Variants in TMTC2 observed in about 807,000 individuals in gnomAD.
TMTC2 encodes the protein protein O-mannosyl-transferase TMTC2.
TMTC2 carries 43 observed loss-of-function variants against 82.4 expected under a neutral mutation model. The ratio of observed to expected loss-of-function variants is 0.52; its 90% CI spans 0.41 to 0.67. The LOEUF is 0.67. Among genes scored for constraint, TMTC2 ranks in the 30% least tolerant of loss-of-function variants. TMTC2 has a pLI of 0.00. For synonymous variants in TMTC2, 408 were observed against 381.9 expected, an observed-to-expected ratio of 1.07 and a Z score of -0.80; for missense variants, 919 against 1,012.4, an observed-to-expected ratio of 0.91 and a Z score of 1.25.
At chr12:83,130,382 T>C (rs1885225550) in intron 11 of TMTC2, among the ~76,000 whole-genome samples, 2 of 152,346 alleles carry the variant, frequency 1.3e-5, no homozygotes, top group South Asian at 4.1e-4. Flanking sequence ...AGCTTTTCAC[T>C]GCACATGTCA....
At chr12:83,010,645 A>G (rs1290412567) in intron 8 of TMTC2, among the ~76,000 whole-genome samples, 1 of 152,210 alleles carries the variant, frequency 6.6e-6, no homozygotes, top group Non-Finnish European at 1.5e-5. Flanking sequence ...CTTGCTGTGC[A>G]TCAAGCAACA....
At chr12:82,962,945 G>T (rs570548216) in intron 4 of TMTC2, among the ~76,000 whole-genome samples, 3 of 152,110 alleles carry the variant, frequency 2.0e-5, no homozygotes, top group African/African-American at 7.2e-5. Flanking sequence ...TCTCCCAGGA[G>T]CCCAGGAAAT....
At chr12:83,074,412 T>C (rs1359509363) in intron 11 of TMTC2, among the ~76,000 whole-genome samples, 1 of 151,978 alleles carries the variant, frequency 6.6e-6, no homozygotes, top group East Asian at 1.9e-4. Context: ...GCTTTGGTGG[T>C]TTAATGCACT....
At chr12:83,057,977 G>A (rs1167024722) in intron 10 of TMTC2, among the ~76,000 whole-genome samples, 5 of 151,678 alleles carry the variant, frequency 3.3e-5, no homozygotes, top group African/African-American at 1.2e-4. Context: ...ATCGTAAGTG[G>A]TTCTTTTAAT....
intron 8 of TMTC2, among the ~76,000 whole-genome samples, chr12:82,990,959 A>T (rs1879373864): frequency 1.3e-5 from 2 of 152,152 alleles, no homozygotes; most frequent in South Asian, 4.1e-4. Flanking sequence ...TATAGAGTGA[A>T]CACACAGTAA....
intron 11 of TMTC2, among the ~76,000 whole-genome samples, chr12:83,126,589 G>T (rs550458325): frequency 6.6e-6 from 1 of 152,112 alleles, no homozygotes; most frequent in South Asian, 2.1e-4. Context: ...GGACAAAAGG[G>T]GTAGGATAAA....
intron 1 of TMTC2, among the ~76,000 whole-genome samples, chr12:82,756,279 A>C (rs1876319743): frequency 6.6e-6 from 1 of 152,202 alleles, no homozygotes; most frequent in Admixed American, 6.6e-5. Context: ...TAATGATTTG[A>C]AATTTTTCCA....
chr12:83,031,226 G>A (rs10778933), intron 9 of TMTC2, among the ~76,000 whole-genome samples: 138,633 of 152,258 alleles, frequency 0.91, 63,136 homozygotes, highest in South Asian at 0.96. Context: ...TTCATTCTAA[G>A]TGATAACGTA....
At position 82,985,965 on chromosome 12, in the gene TMTC2, G is replaced by C; in HGVS notation, c.1989G>C (p.Glu663Asp). 1.2e-6 allele frequency: 2 copies of C among 1,614,004 alleles called. No individual in the cohort carries two copies. The highest frequency in any genetic ancestry group is 2.2e-5 in the South Asian group (2 of 91,078). Residue 663 changes from glutamate to aspartate, a missense_variant, in exon 8 of 12, where the codon GAG becomes GAC. Physicochemically the swap from Glu to Asp is conservative, Grantham distance 45 (BLOSUM62 2). Coordinates refer to ENST00000321196, the MANE Select transcript of TMTC2 (RefSeq NM_152588.3). ...YMRLSKLPEA[E>D]HWYMESLRSK... is the part of the protein sequence containing the mutation. Reference sequence around the variant, plus strand: ...GTTTAAGCAAACTCCCCGAAGCAGAGCATTGGTATATGGAATCACTGAGAT... The same window carrying C: ...GTTTAAGCAAACTCCCCGAAGCAGACCATTGGTATATGGAATCACTGAGAT...
intron 2 of TMTC2, among the ~76,000 whole-genome samples, chr12:82,875,178 T>G (rs1482879692): frequency 6.6e-6 from 1 of 152,202 alleles, no homozygotes; most frequent in Non-Finnish European, 1.5e-5. Context: ...TATGTATGAG[T>G]AATTCAGGCT....
At chr12:82,876,157 G>C (rs1315099827) in intron 2 of TMTC2, among the ~76,000 whole-genome samples, 1 of 140,314 alleles carries the variant, frequency 7.1e-6, no homozygotes, top group Non-Finnish European at 1.5e-5. Context: ...GGTGGTGGTA[G>C]TGGTGGTAGT....
At chr12:83,028,125 A>G (rs1045606670) in intron 8 of TMTC2, among the ~76,000 whole-genome samples, 1 of 152,108 alleles carries the variant, frequency 6.6e-6, no homozygotes, top group Non-Finnish European at 1.5e-5. Context: ...GGGGCTGTGT[A>G]TAAAACAAAA....
intron 11 of TMTC2, among the ~76,000 whole-genome samples, chr12:83,075,701 C>A (rs1236915774): frequency 6.6e-6 from 1 of 152,162 alleles, no homozygotes. Flanking sequence ...CTAATTCCAG[C>A]AAGATAGATG....
At position 82,857,113 on chromosome 12, in the gene TMTC2, A is replaced by G; in HGVS notation, c.187A>G (p.Lys63Glu). The G allele has an allele frequency of 6.2e-7, 1 of 1,614,154 alleles. No homozygotes were observed. Among genetic ancestry groups the G allele is most frequent in the Non-Finnish European group, 8.5e-7 (1 of 1,180,028 alleles). Reference sequence around the variant, plus strand: ...TCTTCTAACCCACAGTGGCAGCCACAAGTCCTACCGGCCACTCTGCACTCT... The same window carrying G: ...TCTTCTAACCCACAGTGGCAGCCACGAGTCCTACCGGCCACTCTGCACTCT... Reference protein sequence around the residue: ...GTLLTHSGSHKSYRPLCTLSF... With the variant: ...GTLLTHSGSHESYRPLCTLSF... Residue 63 changes from lysine to glutamate, a missense_variant, in exon 2 of 12, where the codon AAG becomes GAG. Physicochemically the swap from Lys to Glu is moderately conservative, Grantham distance 56. Coordinates refer to ENST00000321196, the MANE Select transcript of TMTC2 (RefSeq NM_152588.3).
intron 1 of TMTC2, among the ~76,000 whole-genome samples, chr12:82,771,875 C>T (rs1311774317): frequency 6.6e-6 from 1 of 152,000 alleles, no homozygotes; most frequent in Non-Finnish European, 1.5e-5. Flanking sequence ...GAAAGGAAAA[C>T]AGTAGTGAGG....
intron 3 of TMTC2, among the ~76,000 whole-genome samples, chr12:82,917,087 A>G (rs1271517297): frequency 6.6e-6 from 1 of 152,164 alleles, no homozygotes; most frequent in Non-Finnish European, 1.5e-5. Context: ...ACATGAAGTG[A>G]CTATCATACA....
chr12:82,845,573 A>G (rs899456501), intron 1 of TMTC2, among the ~76,000 whole-genome samples: 6 of 152,022 alleles, frequency 3.9e-5, no homozygotes, highest in Admixed American at 6.6e-5. Context: ...AAGCTTTTAA[A>G]TTGAAACTCT....
intron 8 of TMTC2, among the ~76,000 whole-genome samples, chr12:83,024,120 A>T (rs1881057721): frequency 6.6e-6 from 1 of 152,160 alleles, no homozygotes; most frequent in Non-Finnish European, 1.5e-5. Flanking sequence ...AGCATGTAGA[A>T]ATGATGAGTA....
chr12:82,767,240 C>T (rs1877019145), intron 1 of TMTC2, among the ~76,000 whole-genome samples: 1 of 152,134 alleles, frequency 6.6e-6, no homozygotes, highest in African/African-American at 2.4e-5. Flanking sequence ...TTTTTAATTT[C>T]TCTTTTTTCT....
Sources: allele counts gnomAD v4.1 joint callset (sites outside exome capture counted in the v4.1 genomes callset), GRCh38; gene constraint gnomAD v4.1.1; transcripts MANE v1.5; gene names NCBI Gene and HGNC (gene_info 2026-07-23, HGNC 2026-07-21).